Variants in LAPTM4B observed in about 807,000 individuals in gnomAD.
LAPTM4B encodes the protein lysosomal-associated transmembrane protein 4B.
In LAPTM4B, 26 loss-of-function variants were observed where a neutral mutation model predicts 28.5. The ratio of observed to expected loss-of-function variants is 0.91; its 90% CI spans 0.67 to 1.27. The LOEUF (loss-of-function observed/expected upper bound fraction) is 1.27. Ranked by LOEUF, LAPTM4B falls within the 50% of genes most tolerant of loss-of-function variation. LAPTM4B has a pLI of 0.00. For synonymous variants in LAPTM4B, 109 were observed against 106.4 expected, an observed-to-expected ratio of 1.02 and a Z score of -0.15; for missense variants, 288 against 285.8, an observed-to-expected ratio of 1.01 and a Z score of -0.06.
intron 1 of LAPTM4B, among the ~76,000 whole-genome samples, chr8:97,786,500 G>A (rs1425829778): frequency 6.6e-6 from 1 of 151,422 alleles, no homozygotes; most frequent in Non-Finnish European, 1.5e-5. Flanking sequence ...TTCCGAGTTC[G>A]AGACCAGCCT....
rs1277508301 is a variant in LAPTM4B at position 97,852,559 on chromosome 8, AT to A, written c.*1087del. ...TGGTTCATTATTGAATGTGCTGTAA[AT>A]TAAGTTGTTTGCAATTAAAACAAGG... is the stretch of plus-strand genomic sequence containing the variant. On this transcript the variant is annotated 3_prime_UTR_variant, in exon 7 of 7. Transcript: ENST00000521545. 1 of 152,584 alleles carries A rather than the reference AT, an allele frequency of 6.6e-6. No individual in the cohort carries two copies. The highest frequency in any genetic ancestry group is 2.4e-5 in the African/African-American group (1 of 41,372). The allele number at this position is 152,584 out of a possible 1,614,324, so 9.5% of individuals were successfully genotyped here.
intron 2 of LAPTM4B, among the ~76,000 whole-genome samples, chr8:97,807,800 G>A (rs1290314857): frequency 6.6e-6 from 1 of 151,088 alleles, no homozygotes; most frequent in African/African-American, 2.4e-5. Context: ...AGAACCAAGA[G>A]ATGCTTTCTA....
chr8:97,797,440 C>A (rs747089008), intron 1 of LAPTM4B, among the ~76,000 whole-genome samples: 20 of 152,130 alleles, frequency 1.3e-4, no homozygotes, highest in Non-Finnish European at 2.2e-4. Flanking sequence ...GCTGGAATTA[C>A]AACTTTTTAA....
At chr8:97,814,273 G>T (rs1816868462) in intron 2 of LAPTM4B, among the ~76,000 whole-genome samples, 2 of 152,192 alleles carry the variant, frequency 1.3e-5, no homozygotes, top group Non-Finnish European at 1.5e-5. Context: ...ACTTTGGGAG[G>T]CCGAGGCTGG....
At chr8:97,807,897 A>G (rs1452274911) in intron 2 of LAPTM4B, among the ~76,000 whole-genome samples, 1 of 151,898 alleles carries the variant, frequency 6.6e-6, no homozygotes, top group Non-Finnish European at 1.5e-5. Context: ...TAAAAAAAAA[A>G]AAAAAAAAAA....
chr8:97,812,616 A>G (rs185642257), intron 2 of LAPTM4B, among the ~76,000 whole-genome samples: 2 of 152,184 alleles, frequency 1.3e-5, no homozygotes, highest in Non-Finnish European at 2.9e-5. Flanking sequence ...CCATTTTACT[A>G]TTCTTCTCTA....
At chr8:97,821,865 C>CT (rs1817008902) in intron 5 of LAPTM4B, among the ~76,000 whole-genome samples, 1 of 152,062 alleles carries the variant, frequency 6.6e-6, no homozygotes, top group Non-Finnish European at 1.5e-5. Flanking sequence ...TTCCAAGACA[C>CT]TTTTACCTTA....
chr8:97,816,028 C>T, intron 3 of LAPTM4B, 30 bp from the exon 4 acceptor site: 2 of 1,510,964 alleles, frequency 1.3e-6, no homozygotes, highest in South Asian at 1.2e-5. Flanking sequence ...ATATTGAACA[C>T]ATTAACTTTC....
intron 1 of LAPTM4B, among the ~76,000 whole-genome samples, chr8:97,786,703 A>G (rs1341646900): frequency 1.5e-5 from 2 of 136,922 alleles, no homozygotes; most frequent in Non-Finnish European, 1.7e-5. Flanking sequence ...CCGTCTCAGA[A>G]AAAAAAAAAA....
chr8:97,821,627 A>G (rs1817005180), intron 5 of LAPTM4B, among the ~76,000 whole-genome samples: 1 of 152,208 alleles, frequency 6.6e-6, no homozygotes, highest in Non-Finnish European at 1.5e-5. Context: ...ATGCTCTGCT[A>G]CTTGAGATAA....
intron 2 of LAPTM4B, among the ~76,000 whole-genome samples, chr8:97,812,242 C>G (rs557342722): frequency 1.9e-5 from 2 of 102,652 alleles, no homozygotes; most frequent in Admixed American, 1.4e-4. Flanking sequence ...TTTTTTGAGT[C>G]GGAGTCTGAC....
intron 1 of LAPTM4B, among the ~76,000 whole-genome samples, chr8:97,777,137 GTTTTTTTTTTTTT>G (rs1176218610): frequency 6.0e-5 from 5 of 83,840 alleles, no homozygotes; most frequent in African/African-American, 1.4e-4. Context: ...TTTCAGTGAG[GTTTTTTTTTTTTT>G]TTTTTTTTTT....
chr8:97,801,994 C>T (rs1044837033), intron 1 of LAPTM4B, among the ~76,000 whole-genome samples: 5 of 152,108 alleles, frequency 3.3e-5, no homozygotes, highest in East Asian at 1.9e-4. Context: ...AAGTTTTCTT[C>T]AGATAGTTTT....
chr8:97,810,604 A>G (rs1586330854), intron 2 of LAPTM4B, among the ~76,000 whole-genome samples: 1 of 152,384 alleles, frequency 6.6e-6, no homozygotes, highest in East Asian at 1.9e-4. Context: ...TTTGAAAAGC[A>G]TGTATGTGTG....
chr8:97,798,132 G>T (rs1357485312), intron 1 of LAPTM4B, among the ~76,000 whole-genome samples: 2 of 152,056 alleles, frequency 1.3e-5, no homozygotes, highest in African/African-American at 2.4e-5. Context: ...TTTTATTCTT[G>T]GTTAGAATGG....
intron 5 of LAPTM4B, among the ~76,000 whole-genome samples, chr8:97,819,722 A>G (rs1292335827): frequency 2.2e-5 from 3 of 137,196 alleles, no homozygotes; most frequent in African/African-American, 8.1e-5. Flanking sequence ...CTCAAGATAA[A>G]TTTCCTTTTT....
rs57772211 is a variant in LAPTM4B, at chr8:97,822,528, T to TTTTATTTA, written c.508-2495_508-2488dup. ...TTAGCTTCTGTCAGTATGACTTCTATTTTATTTATTTATTTATTTATTTAT... is the reference window on the plus strand; with the variant it reads ...TTAGCTTCTGTCAGTATGACTTCTATTTTATTTATTTATTTATTTATTTATTTATTTAT... On this transcript the variant is annotated intron_variant, in intron 5 of 6. Transcript: ENST00000521545. Among the ~76,000 whole-genome samples, 1,238 of 143,404 alleles carry TTTTATTTA rather than the reference T, an allele frequency of 8.6e-3. 8 individuals are homozygous for TTTTATTTA. Among genetic ancestry groups the TTTTATTTA allele is most frequent in the African/African-American group, 0.012 (493 of 39,704 alleles). 94.1% of individuals were successfully genotyped at this position (143,404 alleles called of 152,430 possible).
chr8:97,790,270 A>G (rs1360237766), intron 1 of LAPTM4B, among the ~76,000 whole-genome samples: 2 of 149,010 alleles, frequency 1.3e-5, no homozygotes, highest in Non-Finnish European at 3.0e-5. Flanking sequence ...CTCTATTTTT[A>G]GTTTTTTGAG....
intron 6 of LAPTM4B, among the ~76,000 whole-genome samples, chr8:97,843,474 G>A (rs1474688621): frequency 3.3e-5 from 5 of 152,096 alleles, no homozygotes; most frequent in South Asian, 2.1e-4. Flanking sequence ...AACTATAGTG[G>A]AAAATAAATA....
Sources: allele counts gnomAD v4.1 joint callset (sites outside exome capture counted in the v4.1 genomes callset), GRCh38; gene constraint gnomAD v4.1.1; transcripts MANE v1.5; gene names NCBI Gene and HGNC (gene_info 2026-07-23, HGNC 2026-07-21).